PGBD5: variants seen among roughly 807,000 people sequenced by gnomAD.
The protein encoded by PGBD5 is piggyBac transposable element derived 5.
PGBD5 carries 14 observed loss-of-function variants against 47.9 expected under a neutral mutation model. That is an observed-to-expected ratio of 0.29 (90% CI 0.19 to 0.46). PGBD5 has a LOEUF of 0.46. Among genes scored for constraint, PGBD5 ranks in the 20% least tolerant of loss-of-function variants. The pLI is 1.00. For synonymous variants in PGBD5, 316 were observed against 306.3 expected (o/e 1.03, Z -0.33); for missense variants, 635 against 716.0 (o/e 0.89, Z 1.29).
intron 1 of PGBD5, among the ~76,000 whole-genome samples, chr1:230,374,018 A>G (rs552910818): frequency 6.6e-6 from 1 of 152,344 alleles, no homozygotes; most frequent in South Asian, 2.1e-4. Context: ...AGGGCAGTAA[A>G]TGAAATGCCC....
intron 5 of PGBD5, among the ~76,000 whole-genome samples, chr1:230,331,570 C>T (rs908082837): frequency 1.3e-5 from 2 of 152,122 alleles, no homozygotes; most frequent in South Asian, 2.1e-4. Context: ...CTTGCAAGGC[C>T]AATTCCAAGC....
intron 1 of PGBD5, among the ~76,000 whole-genome samples, chr1:230,401,700 G>C (rs779025992): frequency 6.6e-6 from 1 of 152,182 alleles, no homozygotes; most frequent in Non-Finnish European, 1.5e-5. Flanking sequence ...GCCTTTCCCC[G>C]CATCAGAGCC....
intron 1 of PGBD5, among the ~76,000 whole-genome samples, chr1:230,386,277 C>G (rs1382411179): frequency 6.6e-6 from 1 of 151,506 alleles, no homozygotes; most frequent in Non-Finnish European, 1.5e-5. Context: ...TATGATTGTG[C>G]CACTGCACTC....
chr1:230,422,616 T>A (rs972542901), intron 1 of PGBD5, among the ~76,000 whole-genome samples: 1 of 152,034 alleles, frequency 6.6e-6, no homozygotes, highest in Admixed American at 6.5e-5. Flanking sequence ...CACACCTCAA[T>A]GCACAGCCAG....
chr1:230,387,927 G>A (rs994210784), intron 1 of PGBD5, among the ~76,000 whole-genome samples: 1 of 152,174 alleles, frequency 6.6e-6, no homozygotes, highest in African/African-American at 2.4e-5. Context: ...GTGGAGGGAT[G>A]TGGCAGCAAA....
chr1:230,317,106 G>A lies in PGBD5; in HGVS notation c.*6319C>T, dbSNP rs1018991559. 2 of 152,304 alleles carry A rather than the reference G, an allele frequency of 1.3e-5. No homozygotes were observed. The highest frequency in any genetic ancestry group is 2.9e-5 in the Non-Finnish European group (2 of 68,124). 9.4% of individuals were successfully genotyped at this position (152,304 alleles called of 1,614,324 possible). A position where few individuals can be genotyped will look rare whatever the true frequency, so the allele number is the denominator to read the frequency against. ...TGGTGACTGCCACCTCCCCCACACG[G>A]GGTCTCGGCCTCTGGCTGGAGCCTT... On this transcript the variant is annotated 3_prime_UTR_variant, in exon 7 of 7. Coordinates refer to ENST00000391860, the MANE Select transcript of PGBD5 (RefSeq NM_001258311.2).
In PGBD5 at chr1:230,357,226, T is replaced by G; in HGVS notation, c.427A>C (p.Asn143His). ...TCCTGGAACTTCTTGGCATACATGTTTGTCTGCACCACCATGTTCTTGAGG... is the reference window on the plus strand; with the variant it reads ...TCCTGGAACTTCTTGGCATACATGTGTGTCTGCACCACCATGTTCTTGAGG... Reference protein sequence around the residue: ...NVLKNMVVQTNMYAKKFQERF... With the variant: ...NVLKNMVVQTHMYAKKFQERF... The change falls in exon 2 of 7, where the codon AAC (asparagine) becomes CAC (histidine). Residue 143 changes from asparagine to histidine, a missense_variant. Physicochemically the swap from Asn to His is moderately conservative, Grantham distance 68 (BLOSUM62 1). Coordinates refer to ENST00000391860, the MANE Select transcript of PGBD5 (RefSeq NM_001258311.2). The surrounding 1 kb of genome is among the most constrained non-coding windows in gnomAD (Gnocchi z 5.7). 1 of 1,614,084 alleles carries G rather than the reference T, an allele frequency of 6.2e-7. No homozygotes were observed.
chr1:230,356,980 T>C lies in PGBD5; in HGVS notation c.673A>G (p.Thr225Ala). 2 of 1,614,100 alleles carry C rather than the reference T, an allele frequency of 1.2e-6. No homozygotes were observed. Among genetic ancestry groups the C allele is most frequent in the Non-Finnish European group, 1.7e-6 (2 of 1,180,020 alleles). The change falls in exon 2 of 7, where the codon ACC becomes GCC. Residue 225 changes from threonine (T) to alanine (A), a missense_variant. Coordinates refer to ENST00000391860, the MANE Select transcript of PGBD5 (RefSeq NM_001258311.2). The stretch of plus-strand genomic sequence containing the variant: ...TGGACCTTGTAGAGCCCGTGCGTGG[T>C]CTGGCTGGAGCGGAAGGCCACGACG... ...FHVVAFRSSQ[T>A]THGLYKVQPF...
intron 1 of PGBD5, among the ~76,000 whole-genome samples, chr1:230,400,208 G>A (rs916269559): frequency 6.6e-6 from 1 of 152,140 alleles, no homozygotes; most frequent in African/African-American, 2.4e-5. Flanking sequence ...CACCTGGATG[G>A]GAGGGATCTC....
rs1421121527 is a variant in PGBD5, at chr1:230,314,667, T to G, written c.*8758A>C. The G allele has an allele frequency of 6.6e-6, 1 of 151,598 alleles. No homozygotes were observed. Among genetic ancestry groups the G allele is most frequent in the Non-Finnish European group, 1.5e-5 (1 of 67,956 alleles). The allele number at this position is 151,598 out of a possible 1,614,324, so 9.4% of individuals were successfully genotyped here. On this transcript the variant is annotated 3_prime_UTR_variant, in exon 7 of 7. Coordinates refer to ENST00000391860, the MANE Select transcript of PGBD5 (RefSeq NM_001258311.2). ...CTGTTATACAAAATTTGTAAAAATT[T>G]ATTGCCTTGGCGTAAAGTGACAATC...
At chr1:230,409,393 C>T (rs1055625833) in intron 1 of PGBD5, among the ~76,000 whole-genome samples, 1 of 152,256 alleles carries the variant, frequency 6.6e-6, no homozygotes, top group East Asian at 1.9e-4. Flanking sequence ...CATGTCCACA[C>T]GAAAACCTGT....
intron 3 of PGBD5, among the ~76,000 whole-genome samples, chr1:230,343,444 TA>T (rs1243153000): frequency 6.6e-6 from 1 of 152,214 alleles, no homozygotes; most frequent in Non-Finnish European, 1.5e-5. Flanking sequence ...TGAAGTCCTA[TA>T]CGGTAAAGAG....
intron 1 of PGBD5, among the ~76,000 whole-genome samples, chr1:230,403,101 G>C (rs544405797): frequency 2.0e-5 from 3 of 152,200 alleles, no homozygotes; most frequent in Admixed American, 2.0e-4. Flanking sequence ...TCTATGGCAA[G>C]CATGCCTCCA....
intron 1 of PGBD5, among the ~76,000 whole-genome samples, chr1:230,379,295 C>T (rs1410763216): frequency 2.0e-5 from 3 of 152,120 alleles, no homozygotes; most frequent in Non-Finnish European, 4.4e-5. Flanking sequence ...TGCTCCTCAC[C>T]TCCACTTCCA....
intron 3 of PGBD5, among the ~76,000 whole-genome samples, chr1:230,350,030 G>T (rs1667537491): frequency 6.6e-6 from 1 of 152,240 alleles, no homozygotes; most frequent in Non-Finnish European, 1.5e-5. Context: ...GTGGGGAGGA[G>T]ATGTTCGGCA....
At chr1:230,370,733 G>T (rs941028372) in intron 1 of PGBD5, among the ~76,000 whole-genome samples, 32 of 152,310 alleles carry the variant, frequency 2.1e-4, no homozygotes, top group African/African-American at 7.7e-4. Flanking sequence ...CCACACTGTG[G>T]TCTTACTGGG....
At position 230,325,491 on chromosome 1, in the gene PGBD5, G is replaced by A. The variant is rs142795003; in HGVS notation, c.1274-76C>T. The stretch of plus-strand genomic sequence containing the variant: ...CCACTTTATAAATGTGCCTATCTTC[G>A]TCCAGCTTAGCTGCTCCCAACTTAA... On this transcript the variant is annotated intron_variant, in intron 5 of 6. Coordinates refer to ENST00000391860, the MANE Select transcript of PGBD5 (RefSeq NM_001258311.2). The A allele has an allele frequency of 6.4e-5, 66 of 1,036,606 alleles. No individual in the cohort carries two copies. In the Admixed American group the frequency reaches 8.1e-4, roughly 13 times the overall value. 64.2% of individuals were successfully genotyped at this position (1,036,606 alleles called of 1,614,324 possible).
chr1:230,329,096 T>G (rs999162509), intron 5 of PGBD5, among the ~76,000 whole-genome samples: 4 of 146,284 alleles, frequency 2.7e-5, no homozygotes, highest in African/African-American at 1.0e-4. Flanking sequence ...CTACTACAGC[T>G]ACGCCATGCC....
At chr1:230,405,026 C>G (rs1251117344) in intron 1 of PGBD5, among the ~76,000 whole-genome samples, 15 of 149,054 alleles carry the variant, frequency 1.0e-4, no homozygotes. Context: ...AACCCCGTCT[C>G]CACTAAAAAT....
Sources: allele counts gnomAD v4.1 joint callset (sites outside exome capture counted in the v4.1 genomes callset), GRCh38; gene constraint gnomAD v4.1.1; non-coding constraint Gnocchi (gnomAD v3.1); transcripts MANE v1.5; gene names NCBI Gene and HGNC (gene_info 2026-07-23, HGNC 2026-07-21).